Variants in OPCML observed in about 807,000 individuals in gnomAD.
OPCML encodes the protein opioid-binding protein/cell adhesion molecule.
OPCML carries 13 observed loss-of-function variants against 37.8 expected under a neutral mutation model. That is an observed-to-expected ratio of 0.34 (90% CI 0.22 to 0.55). The LOEUF (loss-of-function observed/expected upper bound fraction) is 0.55. OPCML is among the 20% of genes least tolerant of loss of function. The pLI, the probability that OPCML is intolerant of heterozygous loss-of-function variation, is 0.91. For missense variants in OPCML, 341 were observed against 435.6 expected, an observed-to-expected ratio of 0.78 and a Z score of 1.93; for synonymous variants, 176 against 168.8, an observed-to-expected ratio of 1.04 and a Z score of -0.33.
intron 1 of OPCML, among the ~76,000 whole-genome samples, chr11:132,945,487 T>A (rs1945725220): frequency 6.6e-6 from 1 of 152,154 alleles, no homozygotes; most frequent in African/African-American, 2.4e-5. Flanking sequence ...CTTGCAGAAC[T>A]GGAAGTTGCT....
intron 1 of OPCML, among the ~76,000 whole-genome samples, chr11:133,077,250 G>A (rs575437046): frequency 6.6e-6 from 1 of 152,024 alleles, no homozygotes; most frequent in East Asian, 2.0e-4. Context: ...CCATCAAGCT[G>A]AGGAACAAGT....
intron 2 of OPCML, among the ~76,000 whole-genome samples, chr11:132,659,704 C>CTGTGTGTGTGTGTGTGTGTG (rs58318033): frequency 1.0e-3 from 150 of 147,322 alleles, no homozygotes; most frequent in African/African-American, 3.6e-3. Context: ...CACAAAATTC[C>CTGTGTGTGTGTGTGTGTGTG]TGTGTGTGTG....
At chr11:132,902,377 A>G (rs1006078016) in intron 2 of OPCML, among the ~76,000 whole-genome samples, 8 of 152,144 alleles carry the variant, frequency 5.3e-5, no homozygotes, top group African/African-American at 1.9e-4. Context: ...TGTGAGTAAG[A>G]CACCCTGTGT....
intron 2 of OPCML, among the ~76,000 whole-genome samples, chr11:132,678,181 TACA>T (rs1377439998): frequency 2.0e-5 from 3 of 152,044 alleles, no homozygotes; most frequent in Non-Finnish European, 2.9e-5. Context: ...AAATGCAAAT[TACA>T]ACAAGGAGAT....
chr11:133,170,075 C>T (rs1950267358), intron 1 of OPCML, among the ~76,000 whole-genome samples: 1 of 152,216 alleles, frequency 6.6e-6, no homozygotes, highest in South Asian at 2.1e-4. Context: ...TGAATATGCA[C>T]TGTGAACCCT....
At chr11:133,294,378 TCTC>T (rs756254852) in intron 1 of OPCML, among the ~76,000 whole-genome samples, 2 of 152,206 alleles carry the variant, frequency 1.3e-5, no homozygotes, top group Non-Finnish European at 2.9e-5. Context: ...GCACCTGCCT[TCTC>T]CTCCTCTTCA....
At chr11:133,308,639 T>A (rs1942992314) in intron 1 of OPCML, among the ~76,000 whole-genome samples, 1 of 152,090 alleles carries the variant, frequency 6.6e-6, no homozygotes, top group South Asian at 2.1e-4. Context: ...CTAGATGCAG[T>A]TAACCCACAG....
At chr11:132,665,485 G>T (rs1012439282) in intron 2 of OPCML, among the ~76,000 whole-genome samples, 1 of 152,132 alleles carries the variant, frequency 6.6e-6, no homozygotes, top group Admixed American at 6.5e-5. Context: ...GAAAATGAAA[G>T]GAGTGATTTA....
chr11:132,690,580 G>T (rs1455322496), intron 2 of OPCML, among the ~76,000 whole-genome samples: 1 of 152,164 alleles, frequency 6.6e-6, no homozygotes, highest in Non-Finnish European at 1.5e-5. Context: ...AAATGGAATG[G>T]TTAACGTACC....
intron 2 of OPCML, among the ~76,000 whole-genome samples, chr11:132,782,917 G>GTGTATATATATA (rs376141259): frequency 8.3e-4 from 104 of 125,062 alleles, no homozygotes; most frequent in Middle Eastern, 4.2e-3. Flanking sequence ...TATAGTGTGT[G>GTGTATATATATA]TATATATATA....
At chr11:132,738,180 G>A (rs749195286) in intron 2 of OPCML, among the ~76,000 whole-genome samples, 6 of 152,266 alleles carry the variant, frequency 3.9e-5, no homozygotes, top group Admixed American at 3.3e-4. Flanking sequence ...GAAGCTAAGC[G>A]CCTTACCTGT....
At chr11:133,251,233 G>A (rs1941122273) in intron 1 of OPCML, among the ~76,000 whole-genome samples, 2 of 152,070 alleles carry the variant, frequency 1.3e-5, no homozygotes, top group South Asian at 2.1e-4. Context: ...TCTTTATAGA[G>A]ACTGTTTTAG....
chr11:133,186,325 ACTCATTTACTTTTTGTCAGT>A (rs1223232968), intron 1 of OPCML, among the ~76,000 whole-genome samples: 1 of 152,056 alleles, frequency 6.6e-6, no homozygotes, highest in Admixed American at 6.6e-5. Context: ...AGGACACATA[ACTCATTTACTTTTTGTCAGT>A]CTGAGATGCT....
intron 2 of OPCML, among the ~76,000 whole-genome samples, chr11:132,922,555 G>T (rs766382855): frequency 9.2e-5 from 14 of 151,994 alleles, no homozygotes; most frequent in Non-Finnish European, 2.1e-4. Flanking sequence ...TCTGAGAAGG[G>T]TCTGACTCCT....
At chr11:133,340,821 CG>C (rs1288308928) in intron 1 of OPCML, among the ~76,000 whole-genome samples, 2 of 151,902 alleles carry the variant, frequency 1.3e-5, no homozygotes, top group African/African-American at 2.4e-5. Flanking sequence ...GTTTCTGTGA[CG>C]AAGGGGGAAA....
chr11:133,420,141 G>T, intron 1 of OPCML: 1 of 437,216 alleles, frequency 2.3e-6, no homozygotes, highest in Non-Finnish European at 3.0e-6. Context: ...GTCAGTAAAT[G>T]TTATAGTAAT....
chr11:132,557,915 A>G (rs1030235400), intron 3 of OPCML, among the ~76,000 whole-genome samples: 1 of 152,204 alleles, frequency 6.6e-6, no homozygotes. Flanking sequence ...TTATTTTAAA[A>G]TCTTCTCTTA....
In OPCML at chr11:133,441,204, G is replaced by A. The variant is rs1946359323; in HGVS notation, c.61+91060C>T. Among the ~76,000 whole-genome samples, 10 of 151,610 alleles carry A rather than the reference G, an allele frequency of 6.6e-5. No homozygotes were observed. In the South Asian group the frequency reaches 2.1e-3, roughly 32 times the overall value. ...CCTCTCTTTCTGTTACACACAGACAGTAAAGTGCATTTGGAGAAGGAAAAA... is the reference window on the plus strand; with the variant it reads ...CCTCTCTTTCTGTTACACACAGACAATAAAGTGCATTTGGAGAAGGAAAAA... On this transcript the variant is annotated intron_variant, in intron 1 of 7. Transcript: ENST00000524381.
rs929851182 is a variant in OPCML, at chr11:133,410,186, C to T, written c.61+122078G>A. Among the ~76,000 whole-genome samples, 13 of 152,266 alleles carry T rather than the reference C, an allele frequency of 8.5e-5. No individual in the cohort carries two copies. In the South Asian group the frequency reaches 1.5e-3, roughly 17 times the overall value. On this transcript the variant is annotated intron_variant, in intron 1 of 7. Coordinates refer to ENST00000524381, the MANE Select transcript of OPCML (RefSeq NM_001012393.5). ...GTTATATTTCCAGCTACCCCACCAG[C>T]GCCCAGCACAGTGCTTGCAGCATAG...
Sources: allele counts gnomAD v4.1 joint callset (sites outside exome capture counted in the v4.1 genomes callset), GRCh38; gene constraint gnomAD v4.1.1; transcripts MANE v1.5; gene names NCBI Gene and HGNC (gene_info 2026-07-23, HGNC 2026-07-21).